The following LRRTM3 variants were observed in gnomAD, a reference collection of about 807,000 sequenced individuals.
LRRTM3 encodes the protein leucine-rich repeat transmembrane neuronal protein 3.
A neutral mutation model predicts 44.7 loss-of-function variants in LRRTM3; 24 were observed. The observed-to-expected ratio is 0.54, with a 90% CI of 0.39 to 0.76. LRRTM3 has a LOEUF of 0.76. LRRTM3 is among the 30% of genes least tolerant of loss of function. The pLI is 0.00. For missense variants in LRRTM3, 587 were observed against 702.2 expected, an observed-to-expected ratio of 0.84 and a Z score of 1.85; for synonymous variants, 277 against 278.7, an observed-to-expected ratio of 0.99 and a Z score of 0.06.
chr10:66,944,022 G>A (rs1409685885), intron 2 of LRRTM3, among the ~76,000 whole-genome samples: 2 of 152,112 alleles, frequency 1.3e-5, no homozygotes, highest in African/African-American at 2.4e-5. Context: ...AAAAGTTGAG[G>A]TGACTGTGGC....
rs147191223 is a variant in LRRTM3, at chr10:67,094,468, G to C, written c.1537-3119G>C. 6.1e-3 allele frequency among the ~76,000 whole-genome samples: 932 copies of C among 151,662 alleles called. 9 individuals are homozygous for C. Among genetic ancestry groups the C allele is most frequent in the African/African-American group, 0.022 (896 of 41,424 alleles). On this transcript the variant is annotated intron_variant, in intron 2 of 2. Transcript: ENST00000361320. ...GTAAATTATTATTTATAGTAATTGG[G>C]GGAACAGTGTATAATTAAAAAGAAA...
intron 2 of LRRTM3, among the ~76,000 whole-genome samples, chr10:67,056,326 C>A (rs1855425856): frequency 6.6e-6 from 1 of 152,148 alleles, no homozygotes; most frequent in Non-Finnish European, 1.5e-5. Flanking sequence ...ATTTCTCTGG[C>A]TTGCAGTTAC....
At chr10:66,978,552 A>ATATATATATATATATATAT (rs1197845049) in intron 2 of LRRTM3, among the ~76,000 whole-genome samples, 4 of 37,866 alleles carry the variant, frequency 1.1e-4, no homozygotes, top group Admixed American at 9.7e-4. Flanking sequence ...AAAAAAAAAA[A>ATATATATATATATATATAT]ATATATATAT....
At chr10:66,951,088 TACACACACACACAC>T (rs3056558) in intron 2 of LRRTM3, among the ~76,000 whole-genome samples, 8 of 146,140 alleles carry the variant, frequency 5.5e-5, no homozygotes, top group African/African-American at 1.3e-4. Context: ...TAACATTAAA[TACACACACACACAC>T]ACACACACAC....
intron 2 of LRRTM3, among the ~76,000 whole-genome samples, chr10:66,980,805 A>C (rs1024444628): frequency 2.6e-5 from 4 of 152,192 alleles, no homozygotes; most frequent in African/African-American, 9.7e-5. Context: ...ATAATCTTGA[A>C]TTTTGTAATG....
At chr10:67,026,694 G>A (rs778527717) in intron 2 of LRRTM3, among the ~76,000 whole-genome samples, 7 of 152,094 alleles carry the variant, frequency 4.6e-5, no homozygotes, top group Non-Finnish European at 1.0e-4. Flanking sequence ...TTCAGTTTGA[G>A]CAACCAGTGA....
At chr10:67,049,282 A>T (rs1854945469) in intron 2 of LRRTM3, among the ~76,000 whole-genome samples, 1 of 151,834 alleles carries the variant, frequency 6.6e-6, no homozygotes, top group Non-Finnish European at 1.5e-5. Context: ...GTCTATTATT[A>T]ATCAACCAAT....
chr10:66,997,850 G>A (rs897043352), intron 2 of LRRTM3, among the ~76,000 whole-genome samples: 2 of 152,070 alleles, frequency 1.3e-5, no homozygotes, highest in African/African-American at 4.8e-5. Context: ...GAAGCCTACA[G>A]TCATCCATTC....
intron 2 of LRRTM3, among the ~76,000 whole-genome samples, chr10:66,945,427 C>T (rs1357644988): frequency 1.3e-5 from 2 of 152,160 alleles, no homozygotes; most frequent in African/African-American, 2.4e-5. Flanking sequence ...CTTCTTTCAG[C>T]CTTTGTAGAA....
At chr10:67,031,105 T>C (rs1007143461) in intron 2 of LRRTM3, among the ~76,000 whole-genome samples, 2 of 152,208 alleles carry the variant, frequency 1.3e-5, no homozygotes, top group African/African-American at 4.8e-5. Context: ...CACATGTTTG[T>C]AAAGAGTTTA....
At chr10:66,965,259 C>T (rs922928644) in intron 2 of LRRTM3, among the ~76,000 whole-genome samples, 1 of 151,704 alleles carries the variant, frequency 6.6e-6, no homozygotes, top group Non-Finnish European at 1.5e-5. Context: ...TTTTTTGGCT[C>T]GGCATGGTGG....
intron 2 of LRRTM3, among the ~76,000 whole-genome samples, chr10:67,047,884 C>A (rs1328692385): frequency 6.6e-6 from 1 of 151,750 alleles, no homozygotes; most frequent in Admixed American, 6.6e-5. Context: ...AACAAAAAAA[C>A]AAAACAAAAG....
chr10:67,061,753 G>A (rs1392099900), intron 2 of LRRTM3, among the ~76,000 whole-genome samples: 1 of 152,146 alleles, frequency 6.6e-6, no homozygotes, highest in African/African-American at 2.4e-5. Flanking sequence ...TTTCTAAATA[G>A]TTGATGCATT....
intron 2 of LRRTM3, among the ~76,000 whole-genome samples, chr10:66,975,479 T>C (rs1389312681): frequency 6.6e-6 from 1 of 152,192 alleles, no homozygotes; most frequent in Non-Finnish European, 1.5e-5. Flanking sequence ...GGTTTCCCTT[T>C]CCTGAGGATT....
chr10:67,012,991 A>G (rs1359618371), intron 2 of LRRTM3: 1 of 152,150 alleles, frequency 6.6e-6, no homozygotes, highest in Non-Finnish European at 1.5e-5. Context: ...CAGGTAAGGC[A>G]TCTTACCAGT....
chr10:67,002,172 A>T (rs975882614), intron 2 of LRRTM3, among the ~76,000 whole-genome samples: 3 of 152,070 alleles, frequency 2.0e-5, no homozygotes, highest in Non-Finnish European at 2.9e-5. Context: ...CCCCTTTTTG[A>T]ATTTTCCTCA....
At chr10:66,994,304 G>A (rs539644672) in intron 2 of LRRTM3, among the ~76,000 whole-genome samples, 2 of 152,186 alleles carry the variant, frequency 1.3e-5, no homozygotes, top group East Asian at 3.9e-4. Context: ...TTAAAAATGG[G>A]TTTGCCTGGC....
intron 2 of LRRTM3, among the ~76,000 whole-genome samples, chr10:67,058,551 G>T (rs534281085): frequency 5.1e-4 from 77 of 152,232 alleles, no homozygotes; most frequent in African/African-American, 1.8e-3. Flanking sequence ...ACTGGCCCAT[G>T]AACTATATCC....
rs528011066 is a variant in LRRTM3, at chr10:66,963,993, T to A, written c.1536+35541T>A. On this transcript the variant is annotated intron_variant, in intron 2 of 2. Transcript: ENST00000361320. The stretch of plus-strand genomic sequence containing the variant: ...TCCCGAGTGGCTGGGTTTACAGGCA[T>A]GCACCACCATGCCCAGCTAATTTTC... 5.0e-4 allele frequency among the ~76,000 whole-genome samples: 76 copies of A among 152,090 alleles called. 1 individual carries two copies. The South Asian group carries it at 7.5e-3, about 15-fold the overall frequency.
Sources: gnomAD v4.1 joint callset for allele counts (sites outside exome capture counted in the v4.1 genomes callset) on GRCh38, gnomAD v4.1.1 for gene constraint, MANE v1.5 for transcripts, NCBI Gene and HGNC (gene_info 2026-07-23, HGNC 2026-07-21) for gene names.